Variants in MAGI2 observed in about 807,000 individuals in gnomAD.
The protein encoded by MAGI2 is membrane associated guanylate kinase, WW and PDZ domain containing 2.
A neutral mutation model predicts 133.3 loss-of-function variants in MAGI2; 35 were observed. The observed-to-expected ratio is 0.26, with a 90% CI of 0.20 to 0.35. The LOEUF is 0.35. Ranked by LOEUF, MAGI2 falls within the 10% of genes least tolerant of loss-of-function variation. The probability of loss-of-function intolerance (pLI) is 1.00; values close to 1 mark genes in which losing one functional copy is unlikely to be tolerated. For missense variants in MAGI2, 1,636 were observed against 1,863.4 expected (o/e 0.88, Z 2.25); for synonymous variants, 729 against 710.6 (o/e 1.03, Z -0.41).
chr7:78,775,450 T>A (rs1825923099), intron 2 of MAGI2, among the ~76,000 whole-genome samples: 3 of 151,236 alleles, frequency 2.0e-5, no homozygotes, highest in African/African-American at 7.3e-5. Context: ...TACCCAAGAT[T>A]GTTATGAAAC....
At chr7:78,092,246 G>A (rs528258270) in intron 20 of MAGI2, among the ~76,000 whole-genome samples, 1 of 152,150 alleles carries the variant, frequency 6.6e-6, no homozygotes, top group Non-Finnish European at 1.5e-5. Flanking sequence ...GCTCTTCAGA[G>A]AATCTGTACT....
chr7:78,248,895 C>T (rs1044369516), intron 10 of MAGI2, among the ~76,000 whole-genome samples: 8 of 151,832 alleles, frequency 5.3e-5, no homozygotes, highest in African/African-American at 1.9e-4. Flanking sequence ...AGATTCCATA[C>T]TGAAAAAGAA....
chr7:78,249,336 A>G (rs1169131472), intron 10 of MAGI2, among the ~76,000 whole-genome samples: 1 of 152,150 alleles, frequency 6.6e-6, no homozygotes, highest in East Asian at 1.9e-4. Flanking sequence ...TAGAACTACT[A>G]CATGATCAGT....
At chr7:78,546,669 G>C (rs1584577673) in intron 3 of MAGI2, among the ~76,000 whole-genome samples, 1 of 90,200 alleles carries the variant, frequency 1.1e-5, no homozygotes, top group East Asian at 4.0e-4. Flanking sequence ...CGTTGTCAAA[G>C]ATCCTCATCT....
rs531035244 is a variant in MAGI2 at position 78,572,400 on chromosome 7, C to G, written c.539-50755G>C. On this transcript the variant is annotated intron_variant, in intron 3 of 21. Transcript: ENST00000354212. ...GGTCAAGTAGGTAAGGCATATCAGACAGAGGCAAAAGTTCATAGATGTGGG... is the reference window on the plus strand; with the variant it reads ...GGTCAAGTAGGTAAGGCATATCAGAGAGAGGCAAAAGTTCATAGATGTGGG... 5.9e-5 allele frequency among the ~76,000 whole-genome samples: 9 copies of G among 152,208 alleles called. No homozygotes were observed. The South Asian group carries it at 1.9e-3, about 32-fold the overall frequency.
At chr7:78,510,628 A>C (rs1483642032) in intron 4 of MAGI2, among the ~76,000 whole-genome samples, 1 of 152,318 alleles carries the variant, frequency 6.6e-6, no homozygotes, top group Non-Finnish European at 1.5e-5. Flanking sequence ...AGGTGTTTGC[A>C]TCAATTGAGC....
At chr7:79,312,021 C>T (rs1838328877) in intron 1 of MAGI2, among the ~76,000 whole-genome samples, 1 of 152,166 alleles carries the variant, frequency 6.6e-6, no homozygotes, top group Non-Finnish European at 1.5e-5. Context: ...TCTCCTGAGG[C>T]AACTGGAGTG....
chr7:78,117,257 A>G (rs758092260), intron 20 of MAGI2, among the ~76,000 whole-genome samples: 1 of 152,108 alleles, frequency 6.6e-6, no homozygotes, highest in Non-Finnish European at 1.5e-5. Flanking sequence ...AATCTTACTC[A>G]ATAACATAGA....
chr7:79,295,088 A>G (rs561452022), intron 1 of MAGI2, among the ~76,000 whole-genome samples: 2 of 152,286 alleles, frequency 1.3e-5, no homozygotes, highest in East Asian at 1.9e-4. Flanking sequence ...TCTCTGGAGA[A>G]TAAATATATC....
At chr7:78,153,321 C>CT (rs1359116927) in intron 16 of MAGI2, among the ~76,000 whole-genome samples, 92 of 152,234 alleles carry the variant, frequency 6.0e-4, no homozygotes, top group African/African-American at 2.1e-3. Flanking sequence ...CTGAAAGGGG[C>CT]GTGCCTTAAA....
At chr7:79,123,863 T>TA (rs1820146367) in intron 1 of MAGI2, among the ~76,000 whole-genome samples, 1 of 151,812 alleles carries the variant, frequency 6.6e-6, no homozygotes, top group East Asian at 1.9e-4. Flanking sequence ...ATCTATTTAT[T>TA]GAGCAGTCAC....
At chr7:78,980,643 T>A (rs1804700112) in intron 2 of MAGI2, among the ~76,000 whole-genome samples, 1 of 151,968 alleles carries the variant, frequency 6.6e-6, no homozygotes, top group Non-Finnish European at 1.5e-5. Flanking sequence ...TTGTTGTTAC[T>A]GTTGTTTTAC....
At position 78,501,740 on chromosome 7, in the gene MAGI2, G is replaced by C. The variant is rs762478813; in HGVS notation, c.802C>G (p.Pro268Ala). ...DKSAGASGEM[P>A]SQPYPAPVYS... ...ACTGGTGCAGGATAAGGCTGGGAGG[G>C]CATCTCCCCTGAGGCACCTGCACTT... is the stretch of plus-strand genomic sequence containing the variant. The change falls in exon 5 of 22, where the codon CCC becomes GCC. Residue 268 changes from proline to alanine, a missense_variant. This residue lies in a region of MAGI2 where 165 missense variants were observed against 128.4 expected (regional missense o/e 1.28). Transcript: ENST00000354212. 4.6e-5 allele frequency: 74 copies of C among 1,613,882 alleles called. No homozygotes were observed. The highest frequency in any genetic ancestry group is 5.6e-5 in the Non-Finnish European group (66 of 1,180,016).
chr7:78,056,069 C>T (rs1333520974), intron 21 of MAGI2, among the ~76,000 whole-genome samples: 1 of 152,132 alleles, frequency 6.6e-6, no homozygotes, highest in Non-Finnish European at 1.5e-5. Context: ...ATCCATTGAA[C>T]TCACCCTTTC....
chr7:78,970,745 T>C (rs746735767), intron 2 of MAGI2, among the ~76,000 whole-genome samples: 21 of 152,076 alleles, frequency 1.4e-4, no homozygotes, highest in Non-Finnish European at 2.9e-4. Flanking sequence ...GAATTGTCAG[T>C]CAGGCTCACA....
intron 6 of MAGI2, among the ~76,000 whole-genome samples, chr7:78,401,055 T>C (rs1796809641): frequency 1.4e-5 from 2 of 148,136 alleles, no homozygotes; most frequent in South Asian, 4.3e-4. Context: ...GGTTTCTTAT[T>C]TCCATTCCTT....
chr7:79,245,830 T>C (rs868465506), intron 1 of MAGI2, among the ~76,000 whole-genome samples: 11 of 152,208 alleles, frequency 7.2e-5, no homozygotes, highest in African/African-American at 2.4e-4. Flanking sequence ...AGACCCAGTG[T>C]TGTGCTGGCT....
At chr7:78,838,137 G>A (rs938378095) in intron 2 of MAGI2, among the ~76,000 whole-genome samples, 12 of 152,060 alleles carry the variant, frequency 7.9e-5, no homozygotes, top group Admixed American at 1.3e-4. Context: ...ATAGGAACTT[G>A]TTCCAAATAA....
chr7:78,841,821 A>G (rs1792167156), intron 2 of MAGI2, among the ~76,000 whole-genome samples: 1 of 151,924 alleles, frequency 6.6e-6, no homozygotes, highest in South Asian at 2.1e-4. Context: ...TCATTTTTCC[A>G]TCCTTTAGGT....
Sources: allele counts gnomAD v4.1 joint callset (sites outside exome capture counted in the v4.1 genomes callset), GRCh38; gene constraint gnomAD v4.1.1; regional missense constraint gnomAD v4.1.1; transcripts MANE v1.5; gene names NCBI Gene and HGNC (gene_info 2026-07-23, HGNC 2026-07-21).